The following MID1 variants were observed in gnomAD, a reference collection of about 807,000 sequenced individuals.
MID1 encodes the protein midline 1.
A neutral mutation model predicts 40.4 loss-of-function variants in MID1; 7 were observed. The ratio of observed to expected loss-of-function variants is 0.17; its 90% CI spans 0.10 to 0.33. The LOEUF (loss-of-function observed/expected upper bound fraction) is 0.33, where lower values mean the gene tolerates loss of function less well. MID1 is among the 10% of genes least tolerant of loss of function. The pLI is 1.00. For synonymous variants in MID1, 229 were observed against 221.2 expected, an observed-to-expected ratio of 1.04 and a Z score of -0.31; for missense variants, 367 against 558.5, an observed-to-expected ratio of 0.66 and a Z score of 3.46.
rs777025689 is a variant in MID1, at chrX:10,500,254, G to C, written c.757-4563C>G. On this transcript the variant is annotated intron_variant, in intron 3 of 9. Coordinates refer to ENST00000317552, the MANE Select transcript of MID1 (RefSeq NM_000381.4). ...ATATGTTTGCTTTACCAAAAAAGTG[G>C]GCTGAAATCTTCCTTGTTGAGGCAA... Among the ~76,000 whole-genome samples, 182 of 111,854 alleles carry C rather than the reference G, an allele frequency of 1.6e-3. 2 individuals are homozygous for C. Among genetic ancestry groups the C allele is most frequent in the African/African-American group, 5.5e-3 (170 of 30,809 alleles).
chrX:10,785,154 C>T (rs2043873169), intron 1 of MID1, among the ~76,000 whole-genome samples: 1 of 111,527 alleles, frequency 9.0e-6, no homozygotes, highest in African/African-American at 3.3e-5. Flanking sequence ...AACCCACAAG[C>T]ATTCTTATAC....
intron 1 of MID1, among the ~76,000 whole-genome samples, chrX:10,613,696 A>AATATATATATATATATATAT (rs1177605401): frequency 5.9e-5 from 1 of 16,853 alleles, no homozygotes; most frequent in Non-Finnish European, 8.5e-5. Context: ...AACTGAAAGG[A>AATATATATATATATATATAT]ATATATATAT....
At chrX:10,487,716 C>T (rs1440736808) in intron 4 of MID1, among the ~76,000 whole-genome samples, 1 of 111,192 alleles carries the variant, frequency 9.0e-6, no homozygotes, top group Non-Finnish European at 1.9e-5. Context: ...TAGAAAGTGC[C>T]GTTTCTCGAA....
chrX:10,502,743 G>A (rs375475682), intron 3 of MID1, among the ~76,000 whole-genome samples: 10 of 112,100 alleles, frequency 8.9e-5, no homozygotes, highest in East Asian at 5.6e-4. Context: ...TTCATGCCAC[G>A]GTGAATAAAT....
intron 1 of MID1, among the ~76,000 whole-genome samples, chrX:10,578,980 T>G (rs1279352875): frequency 1.8e-5 from 2 of 112,556 alleles, no homozygotes; most frequent in African/African-American, 3.2e-5. Flanking sequence ...AATTAGTTTT[T>G]GTAGTTATAT....
At chrX:10,665,175 A>G (rs2147586447) in intron 1 of MID1, among the ~76,000 whole-genome samples, 1 of 112,408 alleles carries the variant, frequency 8.9e-6, no homozygotes, top group Admixed American at 9.4e-5. Context: ...GGCTATGAAG[A>G]CATCTAGGTC....
At chrX:10,470,308 A>G (rs1929629135) in intron 6 of MID1, among the ~76,000 whole-genome samples, 1 of 111,805 alleles carries the variant, frequency 8.9e-6, no homozygotes, top group Non-Finnish European at 1.9e-5. Flanking sequence ...CAACTTATAC[A>G]TGTGGGCATG....
chrX:10,716,933 C>G (rs2043308151), intron 1 of MID1, among the ~76,000 whole-genome samples: 1 of 111,404 alleles, frequency 9.0e-6, no homozygotes, highest in Admixed American at 9.6e-5. Context: ...AATTTCATAT[C>G]CAGCCAAACT....
rs1302322244 is a variant in MID1, at chrX:10,603,649, T to C, written c.-57+16641A>G. The stretch of plus-strand genomic sequence containing the variant: ...TGTTAGCTTTGTCTTTGAAGAGCTG[T>C]CAGAGAACAGAGTAACTGCACGTGT... On this transcript the variant is annotated intron_variant, in intron 1 of 9. Coordinates refer to ENST00000317552, the MANE Select transcript of MID1 (RefSeq NM_000381.4). 4.5e-5 allele frequency among the ~76,000 whole-genome samples: 5 copies of C among 111,633 alleles called. No homozygotes were observed. The East Asian group carries it at 1.1e-3, about 25-fold the overall frequency.
At chrX:10,734,592 T>A (rs750840953) in intron 1 of MID1, among the ~76,000 whole-genome samples, 2 of 107,774 alleles carry the variant, frequency 1.9e-5, no homozygotes, top group African/African-American at 6.7e-5. Flanking sequence ...GTTGTGGTAG[T>A]TTCATATAAC....
intron 1 of MID1, among the ~76,000 whole-genome samples, chrX:10,676,122 T>C (rs1195565436): frequency 9.0e-6 from 1 of 111,419 alleles, no homozygotes; most frequent in Non-Finnish European, 1.9e-5. Flanking sequence ...AAGGACCGGG[T>C]TTTTCTCTCA....
intron 1 of MID1, among the ~76,000 whole-genome samples, chrX:10,828,547 G>A (rs2044231431): frequency 9.0e-6 from 1 of 111,665 alleles, no homozygotes; most frequent in South Asian, 3.8e-4. Context: ...CTTAAAAGGG[G>A]GAAATCTACA....
intron 1 of MID1, among the ~76,000 whole-genome samples, chrX:10,658,351 T>C (rs147940079): frequency 5.3e-5 from 5 of 95,106 alleles, no homozygotes; most frequent in African/African-American, 1.6e-4. Context: ...TAGCTTTGGC[T>C]CAGCTTAATG....
At chrX:10,726,870 G>C (rs957738828) in intron 1 of MID1, among the ~76,000 whole-genome samples, 1 of 112,625 alleles carries the variant, frequency 8.9e-6, no homozygotes, top group Admixed American at 9.4e-5. Flanking sequence ...GAAGCTTGTG[G>C]CTACACAGGA....
intron 2 of MID1, among the ~76,000 whole-genome samples, chrX:10,554,916 C>T (rs1017329169): frequency 8.9e-6 from 1 of 111,989 alleles, no homozygotes; most frequent in Admixed American, 9.5e-5. Context: ...AAACACTCTA[C>T]CAGGTCAGGA....
At chrX:10,458,547 AGGGTG>A (rs1229003934) in intron 8 of MID1, among the ~76,000 whole-genome samples, 1 of 112,167 alleles carries the variant, frequency 8.9e-6, no homozygotes. Flanking sequence ...AACTGGGTTA[AGGGTG>A]TACAGAACTC....
At position 10,469,789 on chromosome X, in the gene MID1, G is replaced by C. The variant is rs2147280579; in HGVS notation, c.1193C>G (p.Thr398Ser). 8.3e-7 allele frequency: 1 copy of C among 1,211,068 alleles called. No individual in the cohort carries two copies. The highest frequency in any genetic ancestry group is 1.1e-6 in the Non-Finnish European group (1 of 894,898). The change falls in exon 7 of 10, where the codon ACC becomes AGC. Residue 398 changes from threonine to serine, a missense_variant. Physicochemically the swap from Thr to Ser is moderately conservative, Grantham distance 58. Around this residue, in one of 3 missense-constraint regions of MID1, gnomAD observed 275 missense variants for 383.1 expected, o/e 0.72. Coordinates refer to ENST00000317552, the MANE Select transcript of MID1 (RefSeq NM_000381.4). ...ATCGGAGGTCCAATGCACAGTGATG[G>C]TGTCATATGAAGCTGTGCAGAGCTC... ...REELCTASYD[T>S]ITVHWTSDDE... is the part of the protein sequence containing the mutation.
intron 1 of MID1, among the ~76,000 whole-genome samples, chrX:10,670,660 G>C (rs888815610): frequency 1.8e-5 from 2 of 112,147 alleles, no homozygotes; most frequent in African/African-American, 6.5e-5. Flanking sequence ...TTCAAAGGGA[G>C]CTCTGTCCCA....
intron 1 of MID1, among the ~76,000 whole-genome samples, chrX:10,826,214 C>T (rs1196467655): frequency 1.8e-5 from 2 of 111,090 alleles, no homozygotes; most frequent in East Asian, 2.8e-4. Context: ...CACCTAGTCC[C>T]TCATGATCTC....
Sources: gnomAD v4.1 joint callset for allele counts (sites outside exome capture counted in the v4.1 genomes callset) on GRCh38, gnomAD v4.1.1 for gene constraint, gnomAD v4.1.1 regional missense constraint, MANE v1.5 for transcripts, NCBI Gene and HGNC (gene_info 2026-07-23, HGNC 2026-07-21) for gene names.